The following RBPJ variants were observed in gnomAD, a reference collection of about 807,000 sequenced individuals.
The protein encoded by RBPJ is recombining binding protein suppressor of hairless.
In RBPJ, 9 loss-of-function variants were observed where a neutral mutation model predicts 67.8. That is an observed-to-expected ratio of 0.13 (90% confidence interval 0.08 to 0.23). The LOEUF (loss-of-function observed/expected upper bound fraction) is 0.23, where lower values mean the gene tolerates loss of function less well. Among genes scored for constraint, RBPJ ranks in the 10% least tolerant of loss-of-function variants. The pLI, the probability that RBPJ is intolerant of heterozygous loss-of-function variation, is 1.00. For synonymous variants in RBPJ, 198 were observed against 203.3 expected (o/e 0.97, Z 0.22); for missense variants, 305 against 595.6 (o/e 0.51, Z 5.08).
chr4:26,420,473 C>T (rs770675124), intron 4 of RBPJ, 78 bp from the exon 5 acceptor site: 2 of 937,922 alleles, frequency 2.1e-6, no homozygotes, highest in South Asian at 2.7e-5. Flanking sequence ...TTACTTAAAC[C>T]ATGGCCATTC....
chr4:26,185,286 C>A (rs1392567478), intron 1 of RBPJ, among the ~76,000 whole-genome samples: 1 of 151,298 alleles, frequency 6.6e-6, no homozygotes. Flanking sequence ...CCTCTAAGTT[C>A]TTGCTATCTC....
the RBPJ span, among the ~76,000 whole-genome samples, chr4:26,123,775 T>A: frequency 6.6e-6 from 1 of 152,148 alleles, no homozygotes; most frequent in Non-Finnish European, 1.5e-5. Context: ...AGCCTGTGCC[T>A]CCACAGGGTC....
intron 1 of RBPJ, among the ~76,000 whole-genome samples, chr4:26,252,165 T>G (rs1720137111): frequency 6.6e-6 from 1 of 152,052 alleles, no homozygotes; most frequent in East Asian, 1.9e-4. Flanking sequence ...GAGCTTTTAG[T>G]GTATCCATCA....
At chr4:26,140,808 C>T in the RBPJ span, among the ~76,000 whole-genome samples, 142 of 145,904 alleles carry the variant, frequency 9.7e-4, no homozygotes, top group African/African-American at 3.5e-3. Context: ...GATGCCCGAG[C>T]CCAATCTGGG....
chr4:26,408,526 A>T (rs1733703222), intron 3 of RBPJ, among the ~76,000 whole-genome samples: 1 of 152,086 alleles, frequency 6.6e-6, no homozygotes, highest in Admixed American at 6.6e-5. Context: ...ATCATTATGG[A>T]GGAAGAATCT....
intron 2 of RBPJ, among the ~76,000 whole-genome samples, chr4:26,393,005 G>C (rs1022314798): frequency 2.0e-5 from 3 of 152,028 alleles, no homozygotes; most frequent in African/African-American, 7.2e-5. Flanking sequence ...CTGCCACCAT[G>C]CCCAGCTAAT....
intron 1 of RBPJ, among the ~76,000 whole-genome samples, chr4:26,215,422 A>AGGGG (rs1718690109): frequency 9.6e-6 from 1 of 103,720 alleles, no homozygotes; most frequent in African/African-American, 4.6e-5. Flanking sequence ...GAAGGAAGGG[A>AGGGG]GGGAGGGAAG....
At chr4:26,124,398 G>T in the RBPJ span, among the ~76,000 whole-genome samples, 2 of 113,418 alleles carry the variant, frequency 1.8e-5, no homozygotes, top group Non-Finnish European at 3.4e-5. Context: ...CCTTTTTATG[G>T]CTGAGTAGTA....
chr4:26,113,690 G>A, the RBPJ span: 2 of 273,124 alleles, frequency 7.3e-6, 1 homozygote, highest in South Asian at 9.7e-5. Flanking sequence ...ATTCTTCTGT[G>A]TGAAGTCAAA....
rs1736045509 is a variant in RBPJ at position 26,429,938 on chromosome 4, A to G, written c.929A>G (p.Asn310Ser). The G allele has an allele frequency of 1.2e-6, 2 of 1,613,614 alleles. No homozygotes were observed. The highest frequency in any genetic ancestry group is 1.7e-5 in the Admixed American group (1 of 60,004). ...AAAGAACCAAATAAAGAGATGATAA[A>G]TGATGGCGCTTCCTGGACAATCATT... is the stretch of plus-strand genomic sequence containing the variant. Reference protein sequence around the residue: ...CPKEPNKEMINDGASWTIIST... With the variant: ...CPKEPNKEMISDGASWTIIST... Residue 310 changes from asparagine (N) to serine (S), a missense_variant, in exon 9 of 11, where the codon AAT becomes AGT. Transcript: ENST00000355476.
At chr4:26,229,703 G>C (rs774974751) in intron 1 of RBPJ, among the ~76,000 whole-genome samples, 2 of 152,132 alleles carry the variant, frequency 1.3e-5, no homozygotes, top group Non-Finnish European at 2.9e-5. Context: ...TGTATAAAGA[G>C]TGGATTAATA....
upstream of RBPJ, among the ~76,000 whole-genome samples, chr4:26,315,451 A>G (rs1722581210): frequency 6.6e-6 from 1 of 151,992 alleles, no homozygotes; most frequent in Admixed American, 6.6e-5. Context: ...GTAGTTCACA[A>G]AGATCACATA....
chr4:26,325,121 C>T (rs1055770068), intron 1 of RBPJ, among the ~76,000 whole-genome samples: 1 of 152,158 alleles, frequency 6.6e-6, no homozygotes, highest in Non-Finnish European at 1.5e-5. Context: ...TTCCCAAAGC[C>T]ACGATTCCTA....
intron 1 of RBPJ, among the ~76,000 whole-genome samples, chr4:26,366,795 C>T (rs1728675031): frequency 6.6e-6 from 1 of 151,998 alleles, no homozygotes; most frequent in African/African-American, 2.4e-5. Context: ...TTTACCCTTG[C>T]TTTGCATTGA....
chr4:26,351,254 A>C (rs1223589716), intron 1 of RBPJ, among the ~76,000 whole-genome samples: 1 of 152,216 alleles, frequency 6.6e-6, no homozygotes. Flanking sequence ...GAACATAGAT[A>C]CCTAGAATAT....
At chr4:26,306,610 C>T (rs1458290695) in intron 1 of RBPJ, among the ~76,000 whole-genome samples, 4 of 152,028 alleles carry the variant, frequency 2.6e-5, no homozygotes, top group South Asian at 2.1e-4. Flanking sequence ...CCACCATGCC[C>T]GGCCAATTTT....
chr4:26,388,760 C>T (rs1279102551), intron 2 of RBPJ, among the ~76,000 whole-genome samples: 1 of 152,046 alleles, frequency 6.6e-6, no homozygotes, highest in African/African-American at 2.4e-5. Flanking sequence ...AAATGAAGCA[C>T]ACAAAGAAAA....
chr4:26,320,121 T>A (rs1021577632), upstream of RBPJ, among the ~76,000 whole-genome samples: 2 of 152,208 alleles, frequency 1.3e-5, no homozygotes, highest in Admixed American at 1.3e-4. Context: ...AGAGAGGCCA[T>A]GCAGCACGCG....
intron 1 of RBPJ, among the ~76,000 whole-genome samples, chr4:26,287,701 A>C (rs1334266279): frequency 1.1e-5 from 1 of 93,424 alleles, no homozygotes; most frequent in African/African-American, 6.1e-5. Flanking sequence ...AGGAGGGAAG[A>C]AAAGAAAGAG....
Sources: allele counts gnomAD v4.1 joint callset (sites outside exome capture counted in the v4.1 genomes callset), GRCh38; gene constraint gnomAD v4.1.1; transcripts MANE v1.5; gene names NCBI Gene and HGNC (gene_info 2026-07-23, HGNC 2026-07-21).